Variants in C10orf71 observed in about 807,000 individuals in gnomAD.
The protein encoded by C10orf71 is cardiac-enriched FHL2-interacting protein.
For missense variants in C10orf71, 1,869 were observed against 1,804.5 expected, an observed-to-expected ratio of 1.04 and a Z score of -0.65; for synonymous variants, 758 against 726.3, an observed-to-expected ratio of 1.04 and a Z score of -0.70.
intron 2 of C10orf71, among the ~76,000 whole-genome samples, chr10:49,319,752 G>C (rs1323589227): frequency 1.3e-5 from 1 of 75,824 alleles, no homozygotes; most frequent in African/African-American, 4.9e-5. Context: ...ATATATGTGG[G>C]TGTATATGTA....
In C10orf71 at chr10:49,322,927, G is replaced by T. The variant is rs1849123843; in HGVS notation, c.382G>T (p.Val128Leu). Residue 128 changes from valine to leucine, a missense_variant, in exon 3 of 3, where the codon GTG (valine) becomes TTG (leucine). By Grantham distance (32) the Val-to-Leu change is conservative (BLOSUM62 1). Coordinates refer to ENST00000374144, the MANE Select transcript of C10orf71 (RefSeq NM_001135196.2). ...PPTPVQRRLE[V>L]PVSGLRSSNK... ...AACGCCAGTCCAGAGGAGACTGGAG[G>T]TGCCAGTTTCCGGCCTAAGGAGCAG... 6.8e-6 allele frequency: 11 copies of T among 1,613,884 alleles called. No homozygotes were observed. The highest frequency in any genetic ancestry group is 9.3e-6 in the Non-Finnish European group (11 of 1,179,840).
intron 2 of C10orf71, among the ~76,000 whole-genome samples, chr10:49,321,460 C>T (rs1849092194): frequency 6.6e-6 from 1 of 152,152 alleles, no homozygotes; most frequent in Non-Finnish European, 1.5e-5. Flanking sequence ...TCCATTCATC[C>T]ATCAATGGAA....
chr10:49,324,429 C>T lies in C10orf71; in HGVS notation c.1884C>T (p.Ala628=), dbSNP rs767503465. 1.9e-5 allele frequency: 30 copies of T among 1,609,510 alleles called. No individual in the cohort carries two copies. The highest frequency in any genetic ancestry group is 1.6e-4 in the Middle Eastern group (1 of 6,078). ...EVEGELEMGP[A]GSSWCPDSRE... The stretch of plus-strand genomic sequence containing the variant: ...AAGGAGAGTTGGAGATGGGTCCTGC[C>T]GGATCCAGCTGGTGTCCAGACTCCA... Residue 628 remains alanine (A), a synonymous_variant, in exon 3 of 3, where the codon GCC becomes GCT. Transcript: ENST00000374144.
At position 49,316,157 on chromosome 10, in the gene C10orf71, G is replaced by A. The variant is rs1409347825; in HGVS notation, c.-235G>A. Reference sequence around the variant, plus strand: ...TTCTTCTTTCCAGATGGGCAGTGATGACACCAAATATAAGCATAAAAAGAC... The same window carrying A: ...TTCTTCTTTCCAGATGGGCAGTGATAACACCAAATATAAGCATAAAAAGAC... On this transcript the variant is annotated 5_prime_UTR_variant, in exon 2 of 3. The change abolishes an upstream ATG in the 5' untranslated region. Transcript: ENST00000374144. The A allele has an allele frequency of 6.6e-6, 1 of 152,184 alleles. No individual in the cohort carries two copies. The highest frequency in any genetic ancestry group is 1.5e-5 in the Non-Finnish European group (1 of 68,044). The allele number at this position is 152,184 out of a possible 1,614,324, so 9.4% of individuals were successfully genotyped here.
At position 49,324,097 on chromosome 10, in the gene C10orf71, C is replaced by A. The variant is rs1228451528; in HGVS notation, c.1552C>A (p.Pro518Thr). The change falls in exon 3 of 3, where the codon CCT becomes ACT. Residue 518 changes from proline to threonine, a missense_variant. Pro to Thr is a conservative substitution (Grantham distance 38). Transcript: ENST00000374144. Reference protein sequence around the residue: ...KRVKSTYSSSPLLKVLDEKTR... With the variant: ...KRVKSTYSSSTLLKVLDEKTR... ...TGTTAAGAGCACATACAGTTCCTCA[C>A]CTCTCTTGAAAGTGCTTGATGAGAA... 2 of 1,613,824 alleles carry A rather than the reference C, an allele frequency of 1.2e-6. No individual in the cohort carries two copies. The highest frequency in any genetic ancestry group is 1.7e-6 in the Non-Finnish European group (2 of 1,179,892).
chr10:49,325,098 G>A lies in C10orf71; in HGVS notation c.2553G>A (p.Arg851=), dbSNP rs1564692204. The A allele has an allele frequency of 1.3e-6, 2 of 1,551,820 alleles. No homozygotes were observed. Among genetic ancestry groups the A allele is most frequent in the Non-Finnish European group, 1.7e-6 (2 of 1,147,074 alleles). ...LTPSPSSASN[R]HMLFTIKDNT... Reference sequence around the variant, plus strand: ...CCTCACCATCTTCTGCTTCAAACAGGCACATGCTGTTTACGATTAAAGACA... The same window carrying A: ...CCTCACCATCTTCTGCTTCAAACAGACACATGCTGTTTACGATTAAAGACA... The change falls in exon 3 of 3, where the codon AGG becomes AGA. Residue 851 remains arginine, a synonymous_variant. Coordinates refer to ENST00000374144, the MANE Select transcript of C10orf71 (RefSeq NM_001135196.2).
chr10:49,316,064 T>A (rs1317603015), intron 1 of C10orf71, 81 bp from the exon 2 acceptor site: 1 of 152,222 alleles, frequency 6.6e-6, no homozygotes, highest in East Asian at 1.9e-4. Flanking sequence ...TCAAAAAATA[T>A]AAAAGATACT....
At chr10:49,313,980 G>T (rs569320039) in intron 1 of C10orf71, among the ~76,000 whole-genome samples, 10 of 152,176 alleles carry the variant, frequency 6.6e-5, no homozygotes, top group African/African-American at 2.4e-4. Flanking sequence ...AGGCTCCAGG[G>T]CTGGGAGCAG....
intron 2 of C10orf71, among the ~76,000 whole-genome samples, chr10:49,318,961 TCCC>T (rs1160192189): frequency 1.3e-5 from 2 of 152,116 alleles, no homozygotes; most frequent in African/African-American, 2.4e-5. Flanking sequence ...TCACCATCCA[TCCC>T]CTGGAGCTCT....
rs1308859130 is a variant in C10orf71, at chr10:49,325,989, C to G, written c.3444C>G (p.Thr1148=). 6.4e-7 allele frequency: 1 copy of G among 1,551,704 alleles called. No homozygotes were observed. Among genetic ancestry groups the G allele is most frequent in the African/African-American group, 1.4e-5 (1 of 73,184 alleles). ...GAGGTTCATTGCTGGATGTGGCCAC[C>G]AGCCCAGCAGGCACCTCTGGGAGAC... is the stretch of plus-strand genomic sequence containing the variant. The part of the protein sequence containing the change: ...SPRGSLLDVA[T]SPAGTSGRLE... The change falls in exon 3 of 3, where the codon ACC becomes ACG. Residue 1148 remains threonine (T), a synonymous_variant. Coordinates refer to ENST00000374144, the MANE Select transcript of C10orf71 (RefSeq NM_001135196.2).
intron 1 of C10orf71, among the ~76,000 whole-genome samples, chr10:49,303,109 T>A (rs1848755812): frequency 6.6e-6 from 1 of 152,164 alleles, no homozygotes. Flanking sequence ...CTTGGGCCTA[T>A]ACCTTCCAGA....
Position 49,323,178 on chromosome 10 carries a change from G to T in C10orf71, c.633G>T (p.Gln211His), listed in dbSNP as rs144884622. The change falls in exon 3 of 3, where the codon CAG becomes CAT. Residue 211 changes from glutamine (Q) to histidine (H), a missense_variant. Physicochemically the swap from Gln to His is conservative, Grantham distance 24 (BLOSUM62 0). Coordinates refer to ENST00000374144, the MANE Select transcript of C10orf71 (RefSeq NM_001135196.2). ...EVSNTHQNSY[Q>H]PGRKHGEQES... ...CCAACACCCATCAGAACAGCTACCA[G>T]CCAGGCAGGAAGCACGGAGAACAGG... 7.7e-4 allele frequency: 1,236 copies of T among 1,613,968 alleles called. 12 individuals are homozygous for T. In the African/African-American group the frequency reaches 0.014, roughly 19 times the overall value.
chr10:49,297,176 T>C (rs1157772409), upstream of C10orf71, among the ~76,000 whole-genome samples: 1 of 152,198 alleles, frequency 6.6e-6, no homozygotes, highest in Non-Finnish European at 1.5e-5. Context: ...AGGAAGGTGC[T>C]GAGGAGGGGA....
At chr10:49,302,445 G>T (rs925400176) in intron 1 of C10orf71, among the ~76,000 whole-genome samples, 2 of 152,154 alleles carry the variant, frequency 1.3e-5, no homozygotes, top group South Asian at 2.1e-4. Context: ...CCCTCAGTTT[G>T]CCCACCATTT....
rs142249990 is a variant in C10orf71 at position 49,318,518 on chromosome 10, C to T, written c.-145+2271C>T. Among the ~76,000 whole-genome samples the T allele has an allele frequency of 5.8e-4, 89 of 152,346 alleles. 1 individual carries two copies. In the East Asian group the frequency reaches 0.016, roughly 27 times the overall value. ...TTCCCAGAGCAGGTCAGTAGCTACT[C>T]GTCAGCTCATTCAGTCCACTAGAAC... On this transcript the variant is annotated intron_variant, in intron 2 of 2. Coordinates refer to ENST00000374144, the MANE Select transcript of C10orf71 (RefSeq NM_001135196.2).
At chr10:49,313,163 T>A (rs2132414921) in intron 1 of C10orf71, among the ~76,000 whole-genome samples, 1 of 152,214 alleles carries the variant, frequency 6.6e-6, no homozygotes, top group Middle Eastern at 3.4e-3. Context: ...GTATAGCCCA[T>A]GATAAAGGGA....
intron 2 of C10orf71, 140 bp downstream of exon 2, chr10:49,316,387 A>G (rs536690302): frequency 6.6e-6 from 1 of 152,288 alleles, no homozygotes; most frequent in Admixed American, 6.5e-5. Flanking sequence ...GGTATATCAA[A>G]TCAGAACTGA....
chr10:49,306,831 C>T (rs761499705), intron 1 of C10orf71, among the ~76,000 whole-genome samples: 8 of 152,226 alleles, frequency 5.3e-5, no homozygotes, highest in Non-Finnish European at 1.0e-4. Context: ...CAGGGGGACC[C>T]ACCATTCACA....
Position 49,314,092 on chromosome 10 carries a change from C to T in C10orf71, c.-247-2053C>T, listed in dbSNP as rs60918045. Among the ~76,000 whole-genome samples the T allele has an allele frequency of 7.6e-3, 1,155 of 152,122 alleles. 15 individuals are homozygous for T. The highest frequency in any genetic ancestry group is 0.026 in the African/African-American group (1,063 of 41,486). On this transcript the variant is annotated intron_variant, in intron 1 of 2. Coordinates refer to ENST00000374144, the MANE Select transcript of C10orf71 (RefSeq NM_001135196.2). ...GAGTATCTTAAGTAGACAATGGCCA[C>T]GAGTCTAGATTGCAGCCTAGAAGTT...
Sources: gnomAD v4.1 joint callset for allele counts (sites outside exome capture counted in the v4.1 genomes callset) on GRCh38, gnomAD v4.1.1 for gene constraint, MANE v1.5 for transcripts, NCBI Gene and HGNC (gene_info 2026-07-23, HGNC 2026-07-21) for gene names.